The following PRKCB variants were observed in gnomAD, a reference collection of about 807,000 sequenced individuals.
PRKCB encodes the protein protein kinase C beta, also known as protein kinase C beta type.
In PRKCB, 13 loss-of-function variants were observed where a neutral mutation model predicts 81.5. The observed-to-expected ratio is 0.16, with a 90% CI of 0.10 to 0.25. The LOEUF (loss-of-function observed/expected upper bound fraction) is 0.25, where lower values mean the gene tolerates loss of function less well. Among genes scored for constraint, PRKCB ranks in the 10% least tolerant of loss-of-function variants. The pLI, the probability that PRKCB is intolerant of heterozygous loss-of-function variation, is 1.00. For missense variants in PRKCB, 509 were observed against 875.7 expected (o/e 0.58, Z 5.29); for synonymous variants, 335 against 321.4 (o/e 1.04, Z -0.45).
intron 3 of PRKCB, among the ~76,000 whole-genome samples, chr16:24,024,625 A>G (rs1246954763): frequency 6.6e-6 from 1 of 152,232 alleles, no homozygotes; most frequent in Non-Finnish European, 1.5e-5. Context: ...AATCAAATAT[A>G]AAATTAGCAG....
chr16:23,856,587 A>G (rs1385592612), intron 2 of PRKCB, among the ~76,000 whole-genome samples: 1 of 151,472 alleles, frequency 6.6e-6, no homozygotes, highest in Non-Finnish European at 1.5e-5. Flanking sequence ...GCAGTGGTAC[A>G]ATCATAGCTG....
intron 5 of PRKCB, among the ~76,000 whole-genome samples, chr16:24,045,615 T>C (rs1431588256): frequency 6.6e-6 from 1 of 152,096 alleles, no homozygotes; most frequent in African/African-American, 2.4e-5. Flanking sequence ...TGAAGCTAAT[T>C]TTTTTTTCCA....
intron 5 of PRKCB, among the ~76,000 whole-genome samples, chr16:24,071,436 T>C (rs1456203633): frequency 1.2e-4 from 7 of 57,276 alleles, no homozygotes; most frequent in African/African-American, 4.0e-4. Context: ...AGACCCTGTC[T>C]AAAAAAAAAA....
At chr16:23,874,496 G>T (rs1015325806) in intron 2 of PRKCB, among the ~76,000 whole-genome samples, 5 of 151,130 alleles carry the variant, frequency 3.3e-5, no homozygotes, top group African/African-American at 1.2e-4. Flanking sequence ...ATACAAATAA[G>T]TATGTAATAT....
intron 2 of PRKCB, chr16:23,893,018 A>G (rs2141118188): frequency 6.6e-6 from 1 of 151,752 alleles, no homozygotes; most frequent in African/African-American, 2.4e-5. Context: ...TGAACTTACA[A>G]TGGCCCTCAT....
rs1474944010 is a variant in PRKCB at position 24,186,947 on chromosome 16, G to T, written c.1722+1380G>T. Reference sequence around the variant, plus strand: ...TTTGAGGGTGTGAGGCAGGGAGAAAGAAAGTGAAGAATAGAGAGGGGAGTC... The same window carrying T: ...TTTGAGGGTGTGAGGCAGGGAGAAATAAAGTGAAGAATAGAGAGGGGAGTC... On this transcript the variant is annotated intron_variant, in intron 15 of 16. Transcript: ENST00000643927. 2.0e-5 allele frequency among the ~76,000 whole-genome samples: 3 copies of T among 151,966 alleles called. No individual in the cohort carries two copies. The East Asian group carries it at 5.8e-4, about 29-fold the overall frequency.
chr16:23,856,119 CAG>C (rs1962562389), intron 2 of PRKCB, among the ~76,000 whole-genome samples: 1 of 152,280 alleles, frequency 6.6e-6, no homozygotes, highest in South Asian at 2.1e-4. Flanking sequence ...ATATCATGGA[CAG>C]AGAGTCCTAA....
Position 24,021,286 on chromosome 16 carries a change from T to TCTCC in PRKCB, c.289-10843_289-10840dup, listed in dbSNP as rs1471185662. ...CCTTTCTTTTTCTTTCTTTTCTCCC[T>TCTCC]CTCCCTCCCTTCCTTCCTTCCTTCC... On this transcript the variant is annotated intron_variant, in intron 3 of 16. Transcript: ENST00000643927. Among the ~76,000 whole-genome samples, 294 of 69,390 alleles carry TCTCC rather than the reference T, an allele frequency of 4.2e-3. 49 individuals are homozygous for TCTCC. Among genetic ancestry groups the TCTCC allele is most frequent in the East Asian group, 5.5e-3 (14 of 2,554 alleles). The allele number at this position is 69,390 out of a possible 152,430, so 45.5% of individuals were successfully genotyped here. A position where few individuals can be genotyped will look rare whatever the true frequency, so the allele number is the denominator to read the frequency against.
intron 16 of PRKCB, among the ~76,000 whole-genome samples, chr16:24,206,336 A>G (rs1232446116): frequency 2.0e-5 from 3 of 152,216 alleles, no homozygotes; most frequent in Non-Finnish European, 4.4e-5. Context: ...GGATGTGCAC[A>G]TGTGAAAAAG....
intron 3 of PRKCB, among the ~76,000 whole-genome samples, chr16:24,023,014 GATCTGATGTAAA>G (rs960744747): frequency 1.3e-5 from 2 of 152,192 alleles, no homozygotes; most frequent in African/African-American, 4.8e-5. Context: ...GGGTGACGAG[GATCTGATGTAAA>G]ATGAGACTAG....
At chr16:24,115,274 TTTATCCCAAG>T (rs1383046122) in intron 8 of PRKCB, among the ~76,000 whole-genome samples, 1 of 143,020 alleles carries the variant, frequency 7.0e-6, no homozygotes, top group African/African-American at 2.6e-5. Flanking sequence ...GATTTTAGCA[TTTATCCCAAG>T]AGCATTTATC....
At chr16:24,054,201 T>G (rs924347341) in intron 5 of PRKCB, among the ~76,000 whole-genome samples, 2 of 152,164 alleles carry the variant, frequency 1.3e-5, no homozygotes, top group African/African-American at 2.4e-5. Context: ...AGTTTCAAAC[T>G]CCTGGCCTCA....
At chr16:23,995,840 A>G (rs1361179707) in intron 3 of PRKCB, among the ~76,000 whole-genome samples, 1 of 152,220 alleles carries the variant, frequency 6.6e-6, no homozygotes. Flanking sequence ...ACAAAGGAAG[A>G]GCAGACTAGG....
intron 2 of PRKCB, 31 bp downstream of exon 2, chr16:23,837,437 G>T: frequency 1.9e-6 from 3 of 1,599,244 alleles, no homozygotes; most frequent in Non-Finnish European, 2.6e-6. Context: ...GATGCTATTT[G>T]TGGGAAGAGA....
At chr16:24,195,647 C>T (rs987619361) in intron 16 of PRKCB, among the ~76,000 whole-genome samples, 11 of 152,254 alleles carry the variant, frequency 7.2e-5, no homozygotes, top group African/African-American at 2.4e-4. Flanking sequence ...TTGAAATACA[C>T]TAGATTTGGT....
rs781780434 is a variant in PRKCB, at chr16:24,174,525, G to A, written c.1339G>A (p.Ala447Thr). 1.5e-5 allele frequency: 24 copies of A among 1,604,070 alleles called. No homozygotes were observed. The highest frequency in any genetic ancestry group is 4.5e-5 in the East Asian group (2 of 44,666). ...TTTTTTTTTTAATTTCAGATTTTAC[G>A]CTGCAGAAATTGCCATCGGTCTGTT... ...RFKEPHAVFY[A>T]AEIAIGLFFL... is the part of the protein sequence containing the mutation. Residue 447 changes from alanine (A) to threonine (T), a missense_variant, in exon 12 of 17, where the codon GCT becomes ACT. By Grantham distance (58) the Ala-to-Thr change is moderately conservative. This residue lies in a region of PRKCB where 106 missense variants were observed against 214.0 expected (regional missense o/e 0.50). Coordinates refer to ENST00000643927, the MANE Select transcript of PRKCB (RefSeq NM_002738.7).
intron 2 of PRKCB, among the ~76,000 whole-genome samples, chr16:23,873,169 A>C (rs3785399): frequency 0.1 from 10,895 of 108,562 alleles, 894 homozygotes; most frequent in Middle Eastern, 0.14. Flanking sequence ...CTCTACTAAA[A>C]ACACACACAC....
At chr16:24,038,647 G>T (rs1965656401) in intron 5 of PRKCB, among the ~76,000 whole-genome samples, 1 of 152,234 alleles carries the variant, frequency 6.6e-6, no homozygotes, top group East Asian at 1.9e-4. Context: ...GAGCCCTGAT[G>T]CTGTGGCCGA....
intron 2 of PRKCB, among the ~76,000 whole-genome samples, chr16:23,861,422 C>T (rs1281896975): frequency 2.0e-5 from 3 of 152,194 alleles, no homozygotes; most frequent in South Asian, 2.1e-4. Context: ...ACACCTCCGC[C>T]TCCTAAAGTG....
Sources: allele counts gnomAD v4.1 joint callset (sites outside exome capture counted in the v4.1 genomes callset), GRCh38; gene constraint gnomAD v4.1.1; regional missense constraint gnomAD v4.1.1; transcripts MANE v1.5; gene names NCBI Gene and HGNC (gene_info 2026-07-23, HGNC 2026-07-21).